The following GRM5 variants were observed in gnomAD, a reference collection of about 807,000 sequenced individuals.
GRM5 encodes the protein glutamate metabotropic receptor 5.
GRM5 carries 19 observed loss-of-function variants against 83.1 expected under a neutral mutation model. The ratio of observed to expected loss-of-function variants is 0.23; its 90% CI spans 0.16 to 0.34. GRM5 has a LOEUF of 0.34. GRM5 is among the 10% of genes least tolerant of loss of function. GRM5 has a pLI of 1.00. For missense variants in GRM5, 1,160 were observed against 1,588.3 expected (o/e 0.73, Z 4.58); for synonymous variants, 675 against 633.6 (o/e 1.07, Z -0.98).
intron 7 of GRM5, among the ~76,000 whole-genome samples, chr11:88,572,781 C>T (rs771529440): frequency 2.6e-5 from 4 of 151,836 alleles, no homozygotes; most frequent in Non-Finnish European, 5.9e-5. Context: ...ATTTTTTATC[C>T]CTGTTTCATC....
At chr11:88,627,610 T>C (rs1221000187) in intron 4 of GRM5, among the ~76,000 whole-genome samples, 1 of 152,156 alleles carries the variant, frequency 6.6e-6, no homozygotes, top group East Asian at 1.9e-4. Flanking sequence ...CTTCTGTACC[T>C]CAATCTCACC....
intron 3 of GRM5, among the ~76,000 whole-genome samples, chr11:88,785,371 G>A (rs75751326): frequency 0.025 from 3,829 of 152,030 alleles, 170 homozygotes; most frequent in African/African-American, 0.088. Context: ...GCTTTTTTAC[G>A]TTTTAAAGAA....
Position 88,570,113 on chromosome 11 carries a change from G to C in GRM5, c.1691-2121C>G, listed in dbSNP as rs371939779. ...CTTATTTCTGCCCTGCTGCTGTTTT[G>C]CTTTAAGATCTCACATTTCAGATAG... On this transcript the variant is annotated intron_variant, in intron 7 of 9. Coordinates refer to ENST00000305447, the MANE Select transcript of GRM5 (RefSeq NM_001143831.3). Among the ~76,000 whole-genome samples, 134 of 152,184 alleles carry C rather than the reference G, an allele frequency of 8.8e-4. 1 individual carries two copies. In the South Asian group the frequency reaches 0.027, roughly 31 times the overall value.
chr11:88,647,168 A>G (rs1939482455), intron 4 of GRM5, among the ~76,000 whole-genome samples: 2 of 152,002 alleles, frequency 1.3e-5, no homozygotes, highest in Admixed American at 6.6e-5. Context: ...TTTTATAAAG[A>G]CATCTATCAT....
chr11:88,802,449 A>G (rs1322905950), intron 3 of GRM5, among the ~76,000 whole-genome samples: 1 of 150,942 alleles, frequency 6.6e-6, no homozygotes, highest in African/African-American at 2.5e-5. Context: ...ACAGAAAGTC[A>G]ATAGATGCAG....
At chr11:88,601,049 T>C (rs986460302) in intron 5 of GRM5, among the ~76,000 whole-genome samples, 8 of 152,208 alleles carry the variant, frequency 5.3e-5, no homozygotes, top group South Asian at 4.1e-4. Flanking sequence ...TGTTAATACA[T>C]TGAACCATTT....
chr11:89,060,116 TG>T (rs1941958785), intron 1 of GRM5, among the ~76,000 whole-genome samples: 1 of 152,100 alleles, frequency 6.6e-6, no homozygotes, highest in African/African-American at 2.4e-5. Context: ...AATCCCATAA[TG>T]TTTATTGTTT....
chr11:88,909,482 A>T (rs1438968236), intron 2 of GRM5, among the ~76,000 whole-genome samples: 9 of 115,202 alleles, frequency 7.8e-5, no homozygotes, highest in East Asian at 5.8e-4. Flanking sequence ...TTTTTTTTTC[A>T]CTCTGAATCT....
chr11:88,590,605 G>A lies in GRM5; in HGVS notation c.1686C>T (p.Leu562=), dbSNP rs201036823. 1.2e-5 allele frequency: 19 copies of A among 1,611,590 alleles called. No homozygotes were observed. Among genetic ancestry groups the A allele is most frequent in the Non-Finnish European group, 1.6e-5 (19 of 1,177,852 alleles). ...GGTGAGATTGTGATAGATTACCTGT[G>A]AGATCATCAGTGGGCCAAGACCCCA... ...CQLGSWPTDD[L]TGCDLIPVQY... is the part of the protein sequence containing the mutation. Residue 562 remains leucine (L), a synonymous_variant, in exon 7 of 10, where the codon CTC becomes CTT. Coordinates refer to ENST00000305447, the MANE Select transcript of GRM5 (RefSeq NM_001143831.3).
At chr11:88,676,602 ATTAC>A (rs1373657189) in intron 3 of GRM5, among the ~76,000 whole-genome samples, 1 of 152,072 alleles carries the variant, frequency 6.6e-6, no homozygotes, top group Non-Finnish European at 1.5e-5. Context: ...ATGAAGAATA[ATTAC>A]TTACTGCCTA....
intron 2 of GRM5, among the ~76,000 whole-genome samples, chr11:89,031,003 A>G (rs1224114925): frequency 1.3e-5 from 2 of 152,052 alleles, no homozygotes; most frequent in Non-Finnish European, 2.9e-5. Context: ...AGTAGAACTT[A>G]TGAAGAAAGA....
At chr11:88,776,551 T>C (rs7924618) in intron 3 of GRM5, among the ~76,000 whole-genome samples, 1 of 152,084 alleles carries the variant, frequency 6.6e-6, no homozygotes, top group East Asian at 1.9e-4. Flanking sequence ...CTTTACAATT[T>C]GGCACATTTT....
intron 4 of GRM5, among the ~76,000 whole-genome samples, chr11:88,643,317 A>G (rs1467450809): frequency 1.3e-5 from 2 of 152,124 alleles, no homozygotes; most frequent in African/African-American, 4.8e-5. Context: ...TTGCAAGAAC[A>G]GTCTCAAGGG....
intron 3 of GRM5, among the ~76,000 whole-genome samples, chr11:88,795,882 G>A (rs78317024): frequency 2.0e-5 from 3 of 152,118 alleles, no homozygotes; most frequent in East Asian, 3.8e-4. Context: ...GAGAGCCCTG[G>A]AGAGACATTT....
intron 8 of GRM5, among the ~76,000 whole-genome samples, chr11:88,549,206 G>A (rs1485766742): frequency 1.3e-5 from 2 of 152,136 alleles, no homozygotes; most frequent in African/African-American, 2.4e-5. Flanking sequence ...GCTCATGCCT[G>A]TAATCCCAGC....
chr11:88,570,572 T>TATATATATATATATATATATA (rs1491417366), intron 7 of GRM5, among the ~76,000 whole-genome samples: 3 of 42,364 alleles, frequency 7.1e-5, no homozygotes, highest in Non-Finnish European at 1.1e-4. Context: ...TATATATATA[T>TATATATATATATATATATATA]TTTTTTTTTT....
At chr11:88,722,195 T>G (rs550184517) in intron 3 of GRM5, among the ~76,000 whole-genome samples, 1 of 152,100 alleles carries the variant, frequency 6.6e-6, no homozygotes, top group African/African-American at 2.4e-5. Flanking sequence ...GCATTATGTT[T>G]GGTTTTAGCC....
At chr11:88,933,939 A>G (rs1341157451) in intron 2 of GRM5, among the ~76,000 whole-genome samples, 2 of 151,830 alleles carry the variant, frequency 1.3e-5, no homozygotes, top group Non-Finnish European at 3.0e-5. Context: ...GCCTATTAAA[A>G]TTAAAACTTA....
intron 4 of GRM5, among the ~76,000 whole-genome samples, chr11:88,635,812 T>C (rs766133987): frequency 6.6e-6 from 1 of 152,196 alleles, no homozygotes; most frequent in Non-Finnish European, 1.5e-5. Flanking sequence ...GTTTTATGTT[T>C]CTAGGTCTTA....
Sources: gnomAD v4.1 joint callset for allele counts (sites outside exome capture counted in the v4.1 genomes callset) on GRCh38, gnomAD v4.1.1 for gene constraint, MANE v1.5 for transcripts, NCBI Gene and HGNC (gene_info 2026-07-23, HGNC 2026-07-21) for gene names.